The following UNC13B variants were observed in gnomAD, a reference collection of about 807,000 sequenced individuals.
UNC13B encodes protein unc-13 homolog B.
UNC13B carries 144 observed loss-of-function variants against 211.0 expected under a neutral mutation model. That is an observed-to-expected ratio of 0.68 (90% confidence interval 0.60 to 0.78). The LOEUF (loss-of-function observed/expected upper bound fraction) is 0.78. UNC13B is among the 30% of genes least tolerant of loss of function. UNC13B has a pLI of 0.00. For missense variants in UNC13B, 1,777 were observed against 2,002.0 expected, an observed-to-expected ratio of 0.89 and a Z score of 2.14; for synonymous variants, 709 against 725.8, an observed-to-expected ratio of 0.98 and a Z score of 0.37.
intron 11 of UNC13B, among the ~76,000 whole-genome samples, chr9:35,315,826 G>A (rs1830423093): frequency 6.6e-6 from 1 of 152,122 alleles, no homozygotes; most frequent in African/African-American, 2.4e-5. Flanking sequence ...TCATTTTGTA[G>A]CATGTTCTTC....
chr9:35,209,084 A>G (rs1823820110), intron 1 of UNC13B, among the ~76,000 whole-genome samples: 1 of 152,126 alleles, frequency 6.6e-6, no homozygotes, highest in Admixed American at 6.6e-5. Context: ...TGCTTATTTG[A>G]GACAGGGTCT....
chr9:35,331,001 C>T (rs1490488638), intron 11 of UNC13B, among the ~76,000 whole-genome samples: 1 of 152,122 alleles, frequency 6.6e-6, no homozygotes, highest in Non-Finnish European at 1.5e-5. Flanking sequence ...AAGGGAGGTA[C>T]ATAGTTAACT....
At chr9:35,202,262 G>A (rs1412187760) in intron 1 of UNC13B, among the ~76,000 whole-genome samples, 1 of 152,184 alleles carries the variant, frequency 6.6e-6, no homozygotes, top group Non-Finnish European at 1.5e-5. Flanking sequence ...TTCCAAACAT[G>A]TGGTCACTTT....
chr9:35,307,303 G>T lies in UNC13B; in HGVS notation c.7899G>T (p.Gly2633=). 2.5e-6 allele frequency: 1 copy of T among 398,978 alleles called. No homozygotes were observed. Among genetic ancestry groups the T allele is most frequent in the South Asian group, 1.3e-4 (1 of 7,836 alleles). The allele number at this position is 398,978 out of a possible 1,614,324, so 24.7% of individuals were successfully genotyped here. A position where few individuals can be genotyped will look rare whatever the true frequency, so the allele number is the denominator to read the frequency against. The change falls in exon 9 of 40, where the codon GGG becomes GGT. Residue 2633 remains glycine (G), a synonymous_variant. Transcript: ENST00000635942. The part of the protein sequence containing the change: ...VLSLSDEGDM[G]ILQATDTEAS... ...CTCTGAGTGATGAAGGAGACATGGG[G>T]ATATTGCAAGCTACAGACACGGAGG...
chr9:35,399,556 G>C lies in UNC13B; in HGVS notation c.12256-93G>C, dbSNP rs187477485. 2.0e-4 allele frequency: 323 copies of C among 1,600,814 alleles called. 1 individual carries two copies. In the African/African-American group the frequency reaches 4.0e-3, roughly 20 times the overall value. On this transcript the variant is annotated intron_variant, in intron 35 of 39. Coordinates refer to ENST00000635942, the MANE Select transcript of UNC13B (RefSeq NM_001371189.2). ...AGCTTTGGAGACTGAAGAGGAAAAG[G>C]AGGAGATGAATATGCACTGGGGGCT...
In UNC13B at chr9:35,376,153, C is replaced by T. The variant is rs1414053940; in HGVS notation, c.9741C>T (p.Leu3247=). The T allele has an allele frequency of 6.2e-7, 1 of 1,614,238 alleles. No individual in the cohort carries two copies. The highest frequency in any genetic ancestry group is 8.5e-7 in the Non-Finnish European group (1 of 1,180,046). ...ACTGCTATGAGTGTGAAGGCCTGCT[C>T]TGGGGCATTGCCCGGCAGGGCATGC... is the stretch of plus-strand genomic sequence containing the variant. ...PTYCYECEGL[L]WGIARQGMRC... Residue 3247 remains leucine, a synonymous_variant, in exon 15 of 40, where the codon CTC becomes CTT. Transcript: ENST00000635942.
chr9:35,202,930 C>A (rs1304720418), intron 1 of UNC13B, among the ~76,000 whole-genome samples: 1 of 151,890 alleles, frequency 6.6e-6, no homozygotes, highest in African/African-American at 2.4e-5. Context: ...GTAGCTGGGA[C>A]AACAGGCGCC....
chr9:35,176,214 A>G (rs1407014060), intron 1 of UNC13B, among the ~76,000 whole-genome samples: 5 of 151,806 alleles, frequency 3.3e-5, no homozygotes, highest in African/African-American at 1.2e-4. Flanking sequence ...TGATTTAGAG[A>G]GCTTGAGGAG....
intron 11 of UNC13B, among the ~76,000 whole-genome samples, chr9:35,320,149 C>T (rs1383063044): frequency 6.6e-6 from 1 of 151,998 alleles, no homozygotes; most frequent in Non-Finnish European, 1.5e-5. Flanking sequence ...TTGATGGGTA[C>T]CTAGGTTGAT....
At chr9:35,241,314 C>G (rs892436161) in intron 5 of UNC13B, among the ~76,000 whole-genome samples, 1 of 152,094 alleles carries the variant, frequency 6.6e-6, no homozygotes, top group Non-Finnish European at 1.5e-5. Flanking sequence ...TAACCACTTC[C>G]TGTTGGGTAT....
chr9:35,271,138 C>CAAA (rs34349679), intron 7 of UNC13B, among the ~76,000 whole-genome samples: 5 of 75,708 alleles, frequency 6.6e-5, no homozygotes, highest in Admixed American at 3.1e-4. Context: ...GACTCCATTT[C>CAAA]AAAAAAAAAA....
intron 11 of UNC13B, among the ~76,000 whole-genome samples, chr9:35,321,040 T>C (rs750750740): frequency 6.6e-6 from 1 of 152,176 alleles, no homozygotes; most frequent in Non-Finnish European, 1.5e-5. Context: ...AAGCTTTATA[T>C]ACATGAACAT....
chr9:35,248,129 A>G (rs1371240918), intron 6 of UNC13B, among the ~76,000 whole-genome samples: 2 of 152,144 alleles, frequency 1.3e-5, no homozygotes, highest in Admixed American at 6.5e-5. Flanking sequence ...TAGATTTTCT[A>G]GTTTATTTGC....
chr9:35,380,889 C>G (rs546171971), intron 18 of UNC13B, among the ~76,000 whole-genome samples: 2 of 152,166 alleles, frequency 1.3e-5, no homozygotes, highest in African/African-American at 4.8e-5. Flanking sequence ...TTTTGTCCCC[C>G]CTCCACACTC....
chr9:35,269,205 A>G (rs1460758255), intron 7 of UNC13B, among the ~76,000 whole-genome samples: 1 of 152,198 alleles, frequency 6.6e-6, no homozygotes, highest in African/African-American at 2.4e-5. Context: ...GAGTTCCCAC[A>G]AGCCCCTCCT....
At chr9:35,272,772 A>G (rs1827966019) in intron 7 of UNC13B, among the ~76,000 whole-genome samples, 2 of 152,228 alleles carry the variant, frequency 1.3e-5, no homozygotes, top group Admixed American at 1.3e-4. Context: ...TTAGTTCAAC[A>G]ATACCAGTGA....
chr9:35,226,839 C>T (rs956850118), intron 1 of UNC13B, among the ~76,000 whole-genome samples: 3 of 149,652 alleles, frequency 2.0e-5, no homozygotes, highest in Admixed American at 6.6e-5. Context: ...TGGCAACACC[C>T]TTACAGACAC....
At chr9:35,326,980 G>C (rs540583387) in intron 11 of UNC13B, among the ~76,000 whole-genome samples, 382 of 152,274 alleles carry the variant, frequency 2.5e-3, no homozygotes, top group Middle Eastern at 6.8e-3. Context: ...TCAAACATAT[G>C]ATTTGCAAAT....
rs1015233734 is a variant in UNC13B at position 35,267,538 on chromosome 9, A to G, written c.526+8488A>G. ...TGTGTCAGTATTCAGAGCAGTCTTC[A>G]TGGGACAGGGGCAAGACTTAGGTTG... On this transcript the variant is annotated intron_variant, in intron 7 of 39. Coordinates refer to ENST00000635942, the MANE Select transcript of UNC13B (RefSeq NM_001371189.2). Among the ~76,000 whole-genome samples the G allele has an allele frequency of 3.3e-5, 5 of 152,342 alleles. No individual in the cohort carries two copies. In the East Asian group the frequency reaches 5.8e-4, roughly 18 times the overall value.
Sources: allele counts gnomAD v4.1 joint callset (sites outside exome capture counted in the v4.1 genomes callset), GRCh38; gene constraint gnomAD v4.1.1; transcripts MANE v1.5; gene names NCBI Gene and HGNC (gene_info 2026-07-23, HGNC 2026-07-21).